Variants in TMEM272 observed in about 807,000 individuals in gnomAD.
The protein encoded by TMEM272 is long intergenic non-protein coding RNA 282.
A neutral mutation model predicts 3.7 loss-of-function variants in TMEM272; 8 were observed. The ratio of observed to expected loss-of-function variants is 2.17; its 90% CI spans 1.27 to 3.91. The LOEUF (loss-of-function observed/expected upper bound fraction) is 3.91, where lower values mean the gene tolerates loss of function less well. Ranked by LOEUF, TMEM272 falls within the 30% of genes most tolerant of loss-of-function variation. The pLI, the probability that TMEM272 is intolerant of heterozygous loss-of-function variation, is 0.00. For missense variants in TMEM272, 166 were observed against 91.5 expected (o/e 1.81, Z -3.32); for synonymous variants, 63 against 39.8 (o/e 1.58, Z -2.20).
At chr13:51,894,958 A>G in the TMEM272 span, among the ~76,000 whole-genome samples, 1 of 151,970 alleles carries the variant, frequency 6.6e-6, no homozygotes, top group Non-Finnish European at 1.5e-5. Flanking sequence ...TTAGATTCTC[A>G]TAAGGAGTGG....
At chr13:51,841,922 C>G (rs1956267046) in intron 1 of TMEM272, among the ~76,000 whole-genome samples, 1 of 152,220 alleles carries the variant, frequency 6.6e-6, no homozygotes, top group African/African-American at 2.4e-5. Flanking sequence ...CAGTAGAACT[C>G]AGCTTTGGCA....
At chr13:51,892,034 G>T in the TMEM272 span, among the ~76,000 whole-genome samples, 1 of 152,202 alleles carries the variant, frequency 6.6e-6, no homozygotes, top group Non-Finnish European at 1.5e-5. Flanking sequence ...CTTTCTCCCA[G>T]TGGCAATACG....
the TMEM272 span, among the ~76,000 whole-genome samples, chr13:51,915,390 A>G: frequency 6.6e-6 from 1 of 152,274 alleles, no homozygotes; most frequent in Non-Finnish European, 1.5e-5. Context: ...GCCATTGAAA[A>G]AGAAAACAAT....
chr13:51,877,677 A>T, the TMEM272 span, among the ~76,000 whole-genome samples: 1 of 152,178 alleles, frequency 6.6e-6, no homozygotes, highest in Non-Finnish European at 1.5e-5. Flanking sequence ...TTTTCTTACC[A>T]ATTTGTATGA....
At chr13:51,832,816 T>C (rs1388529935) in intron 2 of TMEM272, among the ~76,000 whole-genome samples, 1 of 152,228 alleles carries the variant, frequency 6.6e-6, no homozygotes, top group Non-Finnish European at 1.5e-5. Flanking sequence ...TTTATAGATA[T>C]TCAGCTATTC....
At chr13:51,932,598 G>C in the TMEM272 span, 1 of 152,206 alleles carries the variant, frequency 6.6e-6, no homozygotes, top group East Asian at 1.9e-4. Context: ...AGCCAAGCCA[G>C]TGCCTCACAG....
the TMEM272 span, among the ~76,000 whole-genome samples, chr13:51,885,386 T>C: frequency 2.0e-5 from 3 of 152,148 alleles, no homozygotes; most frequent in African/African-American, 7.2e-5. Context: ...AAGGCACCTC[T>C]TCATAGGACA....
the TMEM272 span, among the ~76,000 whole-genome samples, chr13:51,869,224 T>C: frequency 0.46 from 70,497 of 152,034 alleles, 16,695 homozygotes; most frequent in African/African-American, 0.54. Flanking sequence ...TGTGTCATGA[T>C]CAAGGTCTGA....
the TMEM272 span, among the ~76,000 whole-genome samples, chr13:51,924,012 C>A: frequency 5.2e-3 from 787 of 152,338 alleles, 5 homozygotes; most frequent in African/African-American, 0.018. Context: ...AAGCATCAGG[C>A]ACCCTCAGGG....
At chr13:51,909,012 A>G in the TMEM272 span, 9 of 1,465,708 alleles carry the variant, frequency 6.1e-6, no homozygotes, top group African/African-American at 4.2e-5. Context: ...ACCCTCCAAC[A>G]AAGTCGGAAG....
chr13:51,912,124 A>G, the TMEM272 span, among the ~76,000 whole-genome samples: 2 of 151,908 alleles, frequency 1.3e-5, no homozygotes, highest in East Asian at 1.9e-4. Flanking sequence ...TTCCTCCATC[A>G]TGGTCTGACA....
the TMEM272 span, among the ~76,000 whole-genome samples, chr13:51,860,473 T>TA: frequency 9.2e-5 from 14 of 151,628 alleles, no homozygotes; most frequent in African/African-American, 3.4e-4. Flanking sequence ...ACCTTATCTC[T>TA]AAAAAAACAC....
chr13:51,821,440 A>G (rs189248391), intron 4 of TMEM272, among the ~76,000 whole-genome samples: 200 of 152,276 alleles, frequency 1.3e-3, no homozygotes, highest in African/African-American at 3.6e-3. Context: ...ACAAATGTCA[A>G]TACAGCCCAG....
chr13:51,912,483 T>C, the TMEM272 span, among the ~76,000 whole-genome samples: 814 of 152,326 alleles, frequency 5.3e-3, 7 homozygotes, highest in African/African-American at 0.019. Context: ...TGTGGGGGAC[T>C]GGAGAGAGGG....
chr13:51,836,563 T>C (rs1035096102), intron 2 of TMEM272, among the ~76,000 whole-genome samples: 9 of 152,224 alleles, frequency 5.9e-5, no homozygotes, highest in African/African-American at 2.2e-4. Flanking sequence ...GCTGGATTAC[T>C]GCATAGGTGA....
the TMEM272 span, among the ~76,000 whole-genome samples, chr13:51,874,331 A>T: frequency 9.2e-5 from 14 of 152,328 alleles, no homozygotes; most frequent in Non-Finnish European, 1.9e-4. Flanking sequence ...AGCTAGCAAG[A>T]GTGGGTTTCT....
At chr13:51,823,919 C>T (rs1442070793) in intron 3 of TMEM272, among the ~76,000 whole-genome samples, 2 of 152,182 alleles carry the variant, frequency 1.3e-5, no homozygotes, top group Non-Finnish European at 2.9e-5. Flanking sequence ...GGAGGCTTGT[C>T]TTTTAGTTAT....
chr13:51,924,508 C>A, the TMEM272 span, among the ~76,000 whole-genome samples: 2 of 152,166 alleles, frequency 1.3e-5, no homozygotes, highest in Non-Finnish European at 2.9e-5. Flanking sequence ...GGATGGAGCC[C>A]CCATCTGCCC....
At chr13:51,866,989 C>T in the TMEM272 span, among the ~76,000 whole-genome samples, 1 of 152,094 alleles carries the variant, frequency 6.6e-6, no homozygotes, top group Non-Finnish European at 1.5e-5. Context: ...CTTATGTGCC[C>T]AACTTTTCTT....
Sources: allele counts gnomAD v4.1 joint callset (sites outside exome capture counted in the v4.1 genomes callset), GRCh38; gene constraint gnomAD v4.1.1; transcripts MANE v1.5; gene names NCBI Gene and HGNC (gene_info 2026-07-23, HGNC 2026-07-21).